Variants in SGK1 observed in about 807,000 individuals in gnomAD.
SGK1 encodes serum/glucocorticoid regulated kinase 1.
In SGK1, 26 loss-of-function variants were observed where a neutral mutation model predicts 64.2. That is an observed-to-expected ratio of 0.40 (90% CI 0.30 to 0.56). The LOEUF is 0.56. Among genes scored for constraint, SGK1 ranks in the 20% least tolerant of loss-of-function variants. SGK1 has a pLI of 0.38. For synonymous variants in SGK1, 265 were observed against 239.7 expected (o/e 1.11, Z -0.98); for missense variants, 519 against 645.6 (o/e 0.80, Z 2.12).
intron 1 of SGK1, among the ~76,000 whole-genome samples, chr6:134,268,004 G>A (rs1776879372): frequency 1.3e-5 from 2 of 152,164 alleles, no homozygotes; most frequent in Non-Finnish European, 2.9e-5. Context: ...GATTTTTACA[G>A]GCCCAATTAA....
At position 134,262,890 on chromosome 6, in the gene SGK1, C is replaced by CT. The variant is rs34337845; in HGVS notation, c.70-743dup. Among the ~76,000 whole-genome samples the CT allele has an allele frequency of 9.8e-3, 1,424 of 145,412 alleles. 10 individuals carry two copies. The highest frequency in any genetic ancestry group is 0.018 in the Middle Eastern group (5 of 282). On this transcript the variant is annotated intron_variant, in intron 1 of 13. Coordinates refer to ENST00000367858, the MANE Select transcript of SGK1 (RefSeq NM_001143676.3). ...AACTTTGTCTCTACGAAAAAAATAA[C>CT]TTTTTTTTTTTTTTAAAGAAAAAGA...
chr6:134,241,976 G>T (rs907769607), intron 2 of SGK1, among the ~76,000 whole-genome samples: 12 of 152,108 alleles, frequency 7.9e-5, no homozygotes, highest in African/African-American at 2.7e-4. Context: ...GCAGAGGGAG[G>T]ATTTTGAGGA....
At chr6:134,237,600 C>G (rs1308703334) in intron 2 of SGK1, among the ~76,000 whole-genome samples, 1 of 152,054 alleles carries the variant, frequency 6.6e-6, no homozygotes, top group Non-Finnish European at 1.5e-5. Context: ...TCGCTTGAAC[C>G]CGGGAAGGCA....
At chr6:134,231,541 A>C (rs1402477497) in intron 2 of SGK1, among the ~76,000 whole-genome samples, 2 of 152,214 alleles carry the variant, frequency 1.3e-5, no homozygotes, top group Non-Finnish European at 2.9e-5. Flanking sequence ...CTATCACAAA[A>C]TATTTTAGGA....
intron 1 of SGK1, among the ~76,000 whole-genome samples, chr6:134,285,018 C>T (rs766824016): frequency 1.3e-5 from 2 of 152,104 alleles, no homozygotes; most frequent in South Asian, 2.1e-4. Context: ...GTGTCTTTTT[C>T]GTGTAATGAC....
rs571155009 is a variant in SGK1 at position 134,185,396 on chromosome 6, G to GC, written c.362-10811dup. Among the ~76,000 whole-genome samples, 527 of 152,208 alleles carry GC rather than the reference G, an allele frequency of 3.5e-3. 2 individuals carry two copies. Among genetic ancestry groups the GC allele is most frequent in the South Asian group, 5.4e-3 (26 of 4,822 alleles). ...ACAATGATAAGGACTTGATAAAAGG[G>GC]CCCCTATTGTGCAGTCCCAGCCTGG... On this transcript the variant is annotated intron_variant, in intron 3 of 13. Transcript: ENST00000367858.
intron 1 of SGK1, among the ~76,000 whole-genome samples, chr6:134,275,004 G>A (rs576713769): frequency 1.3e-5 from 2 of 152,046 alleles, no homozygotes; most frequent in African/African-American, 4.8e-5. Flanking sequence ...GGGTTTCACC[G>A]TGTTGACCAA....
chr6:134,197,538 A>G (rs984925167), intron 3 of SGK1, among the ~76,000 whole-genome samples: 1 of 152,158 alleles, frequency 6.6e-6, no homozygotes, highest in Admixed American at 6.6e-5. Flanking sequence ...ATAAAAAGCA[A>G]AAGTAGGCCG....
rs1201698009 is a variant in SGK1, at chr6:134,173,542, G to A, written c.538C>T (p.Leu180Phe). The A allele has an allele frequency of 6.2e-7, 1 of 1,610,196 alleles. No individual in the cohort carries two copies. Among genetic ancestry groups the A allele is most frequent in the East Asian group, 2.2e-5 (1 of 44,854 alleles). ...GCATGAGGATTGGACGACGGGCCAA[G>A]GTTGATTTGCTGAGAAGGACTTGGC... ...PPPSPSQQINLGPSSNPHAKP... is the reference protein window; with the variant it reads ...PPPSPSQQINFGPSSNPHAKP... Residue 180 changes from leucine (L) to phenylalanine (F), a missense_variant, in exon 6 of 14, where the codon CTT becomes TTT. Physicochemically the swap from Leu to Phe is conservative, Grantham distance 22 (BLOSUM62 0). Coordinates refer to ENST00000367858, the MANE Select transcript of SGK1 (RefSeq NM_001143676.3).
At chr6:134,213,474 T>C (rs1284667444) in intron 2 of SGK1, among the ~76,000 whole-genome samples, 1 of 151,726 alleles carries the variant, frequency 6.6e-6, no homozygotes, top group Non-Finnish European at 1.5e-5. Context: ...TGAGCTGAGA[T>C]CATGCCATTG....
At chr6:134,247,529 C>G (rs1776542290) in intron 2 of SGK1, among the ~76,000 whole-genome samples, 1 of 152,180 alleles carries the variant, frequency 6.6e-6, no homozygotes, top group South Asian at 2.1e-4. Flanking sequence ...CAGTATATGT[C>G]ACAAGGAGGA....
chr6:134,192,607 C>T (rs533423355), intron 3 of SGK1, among the ~76,000 whole-genome samples: 3 of 149,028 alleles, frequency 2.0e-5, no homozygotes, highest in Non-Finnish European at 4.4e-5. Context: ...TCCCCCCTCC[C>T]CCCATTCTTT....
intron 2 of SGK1, among the ~76,000 whole-genome samples, chr6:134,214,599 G>T (rs961671720): frequency 1.2e-5 from 1 of 85,014 alleles, no homozygotes; most frequent in Admixed American, 1.1e-4. Context: ...AAAAATTAAT[G>T]AAAGTAATTA....
chr6:134,297,929 C>T (rs549712165), intron 1 of SGK1: 28 of 803,628 alleles, frequency 3.5e-5, no homozygotes, highest in Non-Finnish European at 5.4e-5. Context: ...CCTCGTACTG[C>T]GCCTTGACCT....
In SGK1 at chr6:134,265,108, T is replaced by C. The variant is rs191312531; in HGVS notation, c.70-2960A>G. 2.5e-3 allele frequency among the ~76,000 whole-genome samples: 381 copies of C among 152,358 alleles called. 1 individual carries two copies. The highest frequency in any genetic ancestry group is 8.8e-3 in the African/African-American group (367 of 41,582). ...GAAAAATATTTAGAACATAATTATATGAGAAAAGCCAAATACAAAACTGTT... is the reference window on the plus strand; with the variant it reads ...GAAAAATATTTAGAACATAATTATACGAGAAAAGCCAAATACAAAACTGTT... On this transcript the variant is annotated intron_variant, in intron 1 of 13. Transcript: ENST00000367858.
chr6:134,304,805 C>A (rs1457307756), intron 1 of SGK1, among the ~76,000 whole-genome samples: 1 of 151,956 alleles, frequency 6.6e-6, no homozygotes, highest in Non-Finnish European at 1.5e-5. Flanking sequence ...AAAATAAAAA[C>A]ACAAGATTAA....
At chr6:134,228,841 CTTTT>C (rs754300980) in intron 2 of SGK1, among the ~76,000 whole-genome samples, 2 of 129,944 alleles carry the variant, frequency 1.5e-5, no homozygotes, top group African/African-American at 2.9e-5. Context: ...TGTAGTTGTT[CTTTT>C]TTTTTTTTTT....
chr6:134,277,704 C>T (rs1206730410), intron 1 of SGK1, among the ~76,000 whole-genome samples: 2 of 152,264 alleles, frequency 1.3e-5, no homozygotes, highest in East Asian at 3.9e-4. Context: ...TCTAAAATAA[C>T]ACCATATAGC....
At chr6:134,190,050 A>G (rs1417037929) in intron 3 of SGK1, among the ~76,000 whole-genome samples, 1 of 152,084 alleles carries the variant, frequency 6.6e-6, no homozygotes, top group Non-Finnish European at 1.5e-5. Flanking sequence ...TGGTTTCACC[A>G]TGTTGGCCAG....
Sources: allele counts gnomAD v4.1 joint callset (sites outside exome capture counted in the v4.1 genomes callset), GRCh38; gene constraint gnomAD v4.1.1; transcripts MANE v1.5; gene names NCBI Gene and HGNC (gene_info 2026-07-23, HGNC 2026-07-21).